The following E2F3 variants were observed in gnomAD, a reference collection of about 807,000 sequenced individuals.
E2F3 encodes transcription factor E2F3.
E2F3 carries 11 observed loss-of-function variants against 44.4 expected under a neutral mutation model. That is an observed-to-expected ratio of 0.25 (90% CI 0.16 to 0.41). The LOEUF (loss-of-function observed/expected upper bound fraction) is 0.41, where lower values mean the gene tolerates loss of function less well. Among genes scored for constraint, E2F3 ranks in the 10% least tolerant of loss-of-function variants. The probability of loss-of-function intolerance (pLI) is 1.00; values close to 1 mark genes in which losing one functional copy is unlikely to be tolerated. For missense variants in E2F3, 487 were observed against 583.6 expected (o/e 0.83, Z 1.70); for synonymous variants, 249 against 253.0 (o/e 0.98, Z 0.15).
chr6:20,481,261 C>T lies in E2F3; in HGVS notation c.561C>T (p.Thr187=), dbSNP rs1762216352. 3 of 1,614,058 alleles carry T rather than the reference C, an allele frequency of 1.9e-6. 1 individual carries two copies. The Admixed American group carries it at 5.0e-5, about 27-fold the overall frequency. Residue 187 remains threonine, a synonymous_variant, in exon 3 of 7, where the codon ACC becomes ACT. Transcript: ENST00000346618. ...TRYDTSLGLL[T]KKFIQLLSQS... is the part of the protein sequence containing the mutation. ...ATGATACGTCTCTTGGTCTGCTCAC[C>T]AAGAAGTTCATTCAGCTCCTGAGCC...
rs1300010152 is a variant in E2F3 at position 20,491,678 on chromosome 6, C to T, written c.*1248C>T. The T allele has an allele frequency of 5.4e-6, 1 of 185,306 alleles. No individual in the cohort carries two copies. The highest frequency in any genetic ancestry group is 6.2e-5 in the Admixed American group (1 of 16,034). 11.5% of individuals were successfully genotyped at this position (185,306 alleles called of 1,614,324 possible). On this transcript the variant is annotated 3_prime_UTR_variant, in exon 7 of 7. Coordinates refer to ENST00000346618, the MANE Select transcript of E2F3 (RefSeq NM_001949.5). Reference sequence around the variant, plus strand: ...AGACCTCTAGGGAGAAAGACATCCCCATTGTGTGAGTGGCATTTCCTTAAG... The same window carrying T: ...AGACCTCTAGGGAGAAAGACATCCCTATTGTGTGAGTGGCATTTCCTTAAG...
At chr6:20,444,971 G>A in intron 1 of E2F3, 1 of 598,900 alleles carries the variant, frequency 1.7e-6, no homozygotes, top group Non-Finnish European at 2.1e-6. Flanking sequence ...GCCTTGCACT[G>A]TCCCTGTCAT....
chr6:20,405,643 T>C (rs1759470584), intron 1 of E2F3, among the ~76,000 whole-genome samples: 1 of 152,104 alleles, frequency 6.6e-6, no homozygotes, highest in South Asian at 2.1e-4. Context: ...GCCAACATGG[T>C]GAAACCCCGT....
In E2F3 at chr6:20,402,865, T is replaced by A. The variant is rs1759354213; in HGVS notation, c.393+240T>A. On this transcript the variant is annotated intron_variant, in intron 1 of 6. Transcript: ENST00000346618. The surrounding 1 kb of genome is among the most constrained non-coding windows in gnomAD (Gnocchi z 5.6). The stretch of plus-strand genomic sequence containing the variant: ...GGGGATTGCCTTGGCGCGAACCACA[T>A]CAAACACTCCAAAACTTTTCGCGGC... 6.6e-6 allele frequency among the ~76,000 whole-genome samples: 1 copy of A among 152,100 alleles called. No homozygotes were observed. Among genetic ancestry groups the A allele is most frequent in the South Asian group, 2.1e-4 (1 of 4,820 alleles).
At chr6:20,409,722 C>G (rs754453595) in intron 1 of E2F3, among the ~76,000 whole-genome samples, 1 of 152,224 alleles carries the variant, frequency 6.6e-6, no homozygotes, top group African/African-American at 2.4e-5. Flanking sequence ...CCTTAAAATG[C>G]CTTCTTTTCC....
chr6:20,435,047 C>G (rs1760530003), intron 1 of E2F3, among the ~76,000 whole-genome samples: 1 of 152,186 alleles, frequency 6.6e-6, no homozygotes, highest in African/African-American at 2.4e-5. Context: ...TGGTCCTGGA[C>G]AAGTGAGGTC....
chr6:20,482,575 C>T (rs1302628865), intron 3 of E2F3, among the ~76,000 whole-genome samples, 187 bp from the exon 4 acceptor site: 1 of 132,806 alleles, frequency 7.5e-6, no homozygotes, highest in Non-Finnish European at 1.5e-5. Flanking sequence ...GTGAAAAGTG[C>T]AGAACTGTAT....
chr6:20,404,440 C>T (rs1319826240), intron 1 of E2F3, among the ~76,000 whole-genome samples: 2 of 152,208 alleles, frequency 1.3e-5, no homozygotes, highest in African/African-American at 4.8e-5. Flanking sequence ...AGAACCGAAC[C>T]AGACTCAGTT....
At chr6:20,484,500 G>A (rs913898037) in intron 4 of E2F3, among the ~76,000 whole-genome samples, 10 of 152,312 alleles carry the variant, frequency 6.6e-5, no homozygotes, top group Non-Finnish European at 1.2e-4. Context: ...ACAGTGAGCT[G>A]TAGTGTAAGT....
chr6:20,471,985 A>G lies in E2F3; in HGVS notation c.394-7861A>G, dbSNP rs1040584933. Among the ~76,000 whole-genome samples the G allele has an allele frequency of 4.6e-5, 7 of 151,116 alleles. No individual in the cohort carries two copies. In the Admixed American group the frequency reaches 4.6e-4, roughly 10 times the overall value. Reference sequence around the variant, plus strand: ...TTTATATTTCTTGAAAGTCTTTTGAAGTCATCTATAGAGATTAAACTCCAG... The same window carrying G: ...TTTATATTTCTTGAAAGTCTTTTGAGGTCATCTATAGAGATTAAACTCCAG... On this transcript the variant is annotated intron_variant, in intron 1 of 6. Transcript: ENST00000346618.
chr6:20,478,254 A>G (rs182360942), intron 1 of E2F3, among the ~76,000 whole-genome samples: 16 of 152,260 alleles, frequency 1.1e-4, no homozygotes, highest in African/African-American at 3.4e-4. Flanking sequence ...TTCAAGGGTC[A>G]GTTGTATTTT....
At position 20,464,975 on chromosome 6, in the gene E2F3, A is replaced by G. The variant is rs115541910; in HGVS notation, c.394-14871A>G. Among the ~76,000 whole-genome samples the G allele has an allele frequency of 8.0e-3, 1,221 of 152,324 alleles. 15 individuals are homozygous for G. The highest frequency in any genetic ancestry group is 0.027 in the African/African-American group (1,140 of 41,562). Reference sequence around the variant, plus strand: ...AAAGAGGCACAACTTCCTTATATAAAGCCTACTTAAACATCCCAGCTTTGA... The same window carrying G: ...AAAGAGGCACAACTTCCTTATATAAGGCCTACTTAAACATCCCAGCTTTGA... On this transcript the variant is annotated intron_variant, in intron 1 of 6. Coordinates refer to ENST00000346618, the MANE Select transcript of E2F3 (RefSeq NM_001949.5).
chr6:20,490,348 G>A lies in E2F3; in HGVS notation c.1316G>A (p.Gly439Glu). 6.2e-7 allele frequency: 1 copy of A among 1,613,562 alleles called. No homozygotes were observed. Among genetic ancestry groups the A allele is most frequent in the African/African-American group, 1.3e-5 (1 of 75,018 alleles). The change falls in exon 7 of 7, where the codon GGG becomes GAG. Residue 439 changes from glycine to glutamate, a missense_variant. Transcript: ENST00000346618. This position sits in a 1 kb window ranked among gnomAD's most constrained non-coding sequence, Gnocchi z 4.3. ...CAAGAGGACTATCTCCTGAGCCTCG[G>A]GGAGGAGGAAGGCATCAGCGATCTC... is the stretch of plus-strand genomic sequence containing the variant. ...LLQEDYLLSL[G>E]EEEGISDLFD...
chr6:20,467,216 G>A (rs895089311), intron 1 of E2F3, among the ~76,000 whole-genome samples: 2 of 152,150 alleles, frequency 1.3e-5, no homozygotes, highest in African/African-American at 4.8e-5. Context: ...CACATTAAAG[G>A]GGCGCCCCTA....
chr6:20,473,818 C>T (rs1761964913), intron 1 of E2F3, among the ~76,000 whole-genome samples: 1 of 152,098 alleles, frequency 6.6e-6, no homozygotes, highest in African/African-American at 2.4e-5. Flanking sequence ...ATTGACTGAC[C>T]CTTCCTGCAT....
intron 2 of E2F3, among the ~76,000 whole-genome samples, chr6:20,480,925 T>A (rs910109283): frequency 6.6e-6 from 1 of 152,222 alleles, no homozygotes; most frequent in African/African-American, 2.4e-5. Context: ...AAATTCTTCA[T>A]TGGAGCCAGG....
At chr6:20,405,727 GC>G (rs1410034751) in intron 1 of E2F3, among the ~76,000 whole-genome samples, 1 of 151,850 alleles carries the variant, frequency 6.6e-6, no homozygotes, top group East Asian at 2.0e-4. Flanking sequence ...GGAGGCTGAG[GC>G]AGGAAAATCG....
chr6:20,488,871 G>A (rs969965524), intron 6 of E2F3, among the ~76,000 whole-genome samples: 1 of 152,102 alleles, frequency 6.6e-6, no homozygotes, highest in African/African-American at 2.4e-5. Context: ...GCACGTGCCT[G>A]TAATCCCTGC....
intron 1 of E2F3, chr6:20,445,173 A>G: frequency 1.0e-6 from 1 of 976,596 alleles, no homozygotes; most frequent in Non-Finnish European, 1.2e-6. Context: ...ACTTAAAAAT[A>G]GAATACTACC....
Sources: allele counts gnomAD v4.1 joint callset (sites outside exome capture counted in the v4.1 genomes callset), GRCh38; gene constraint gnomAD v4.1.1; non-coding constraint Gnocchi (gnomAD v3.1); transcripts MANE v1.5; gene names NCBI Gene and HGNC (gene_info 2026-07-23, HGNC 2026-07-21).